EXOC6B: variants seen among roughly 807,000 people sequenced by gnomAD.
The protein encoded by EXOC6B is SEC15 homolog B.
Under a neutral mutation model 113.5 loss-of-function variants are expected in EXOC6B, and 54 were observed. That is an observed-to-expected ratio of 0.48 (90% CI 0.38 to 0.60). The LOEUF (loss-of-function observed/expected upper bound fraction) is 0.60. Among genes scored for constraint, EXOC6B ranks in the 20% least tolerant of loss-of-function variants. EXOC6B has a pLI of 0.00. For synonymous variants in EXOC6B, 357 were observed against 339.0 expected (o/e 1.05, Z -0.58); for missense variants, 797 against 977.5 (o/e 0.82, Z 2.46).
intron 6 of EXOC6B, among the ~76,000 whole-genome samples, chr2:72,593,119 A>G (rs769046998): frequency 6.6e-6 from 1 of 152,134 alleles, no homozygotes; most frequent in Non-Finnish European, 1.5e-5. Flanking sequence ...AAGATGCTGA[A>G]AGGGTAGCAC....
intron 1 of EXOC6B, among the ~76,000 whole-genome samples, chr2:72,767,802 C>A (rs1683159335): frequency 8.2e-5 from 1 of 12,126 alleles, no homozygotes; most frequent in African/African-American, 3.5e-4. Context: ...GACACAGAGA[C>A]CTTGTTAAAA....
chr2:72,788,582 A>G (rs1216420023), intron 1 of EXOC6B, among the ~76,000 whole-genome samples: 1 of 152,210 alleles, frequency 6.6e-6, no homozygotes, highest in East Asian at 1.9e-4. Flanking sequence ...GGATCACTTG[A>G]GTCCAAGTGT....
intron 16 of EXOC6B, among the ~76,000 whole-genome samples, chr2:72,481,367 G>A (rs1479758181): frequency 6.6e-6 from 1 of 152,118 alleles, no homozygotes; most frequent in Non-Finnish European, 1.5e-5. Flanking sequence ...TATTCTAAAG[G>A]TATGTTTTCT....
chr2:72,412,098 C>T (rs1558643156), intron 18 of EXOC6B, among the ~76,000 whole-genome samples: 1 of 151,476 alleles, frequency 6.6e-6, no homozygotes, highest in Non-Finnish European at 1.5e-5. Context: ...GTAGATTGGA[C>T]TAGAAAAAAA....
At chr2:72,337,012 A>G (rs556318889) in intron 19 of EXOC6B, among the ~76,000 whole-genome samples, 1 of 152,072 alleles carries the variant, frequency 6.6e-6, no homozygotes, top group East Asian at 1.9e-4. Flanking sequence ...AGTCTCAAAA[A>G]AAAAAAAAAA....
chr2:72,398,335 C>T (rs1692890565), intron 18 of EXOC6B, among the ~76,000 whole-genome samples: 1 of 152,122 alleles, frequency 6.6e-6, no homozygotes, highest in Admixed American at 6.6e-5. Flanking sequence ...TCTTCTGGTA[C>T]TCAGGCATTC....
rs531018968 is a variant in EXOC6B, at chr2:72,708,321, T to G, written c.669+9782A>C. ...ATATTATTAAAACACTCATAAACCT[T>G]CATATATTCCAGGATGATCTTTTAG... On this transcript the variant is annotated intron_variant, in intron 6 of 21. Transcript: ENST00000272427. 7.2e-5 allele frequency among the ~76,000 whole-genome samples: 11 copies of G among 152,292 alleles called. No individual in the cohort carries two copies. The South Asian group carries it at 2.3e-3, about 32-fold the overall frequency.
intron 6 of EXOC6B, among the ~76,000 whole-genome samples, chr2:72,654,468 G>A (rs370825603): frequency 2.6e-5 from 4 of 152,162 alleles, no homozygotes; most frequent in South Asian, 2.1e-4. Context: ...CAATCACTTC[G>A]TGTTGCAGAA....
At chr2:72,220,356 G>A (rs1388022959) in intron 20 of EXOC6B, among the ~76,000 whole-genome samples, 1 of 152,016 alleles carries the variant, frequency 6.6e-6, no homozygotes, top group African/African-American at 2.4e-5. Flanking sequence ...CTAGAATCTG[G>A]CCAAGGCAAC....
chr2:72,271,184 G>T (rs1684459906), intron 20 of EXOC6B, among the ~76,000 whole-genome samples: 1 of 151,948 alleles, frequency 6.6e-6, no homozygotes, highest in Non-Finnish European at 1.5e-5. Flanking sequence ...AAGAGTAAGG[G>T]GTTTTAAAAC....
intron 6 of EXOC6B, among the ~76,000 whole-genome samples, chr2:72,640,095 T>G (rs1333803012): frequency 6.6e-6 from 1 of 152,080 alleles, no homozygotes; most frequent in African/African-American, 2.4e-5. Flanking sequence ...ATGTTGAAAT[T>G]CAATCTAAGG....
chr2:72,179,575 G>T, intron 21 of EXOC6B, 114 bp from the exon 22 acceptor site: 1 of 1,237,260 alleles, frequency 8.1e-7, no homozygotes, highest in South Asian at 1.3e-5. Flanking sequence ...AGTAATGAGA[G>T]AGTCCAGAAT....
At chr2:72,668,353 G>A (rs529178831) in intron 6 of EXOC6B, among the ~76,000 whole-genome samples, 1 of 152,158 alleles carries the variant, frequency 6.6e-6, no homozygotes, top group South Asian at 2.1e-4. Flanking sequence ...GAGAACAGAT[G>A]GGCCATTTCT....
chr2:72,819,309 TTTG>T (rs889864924), intron 1 of EXOC6B, among the ~76,000 whole-genome samples: 1 of 152,180 alleles, frequency 6.6e-6, no homozygotes, highest in African/African-American at 2.4e-5. Context: ...AATTAAGTTA[TTTG>T]TTGTTGTTTC....
intron 2 of EXOC6B, among the ~76,000 whole-genome samples, chr2:72,739,711 C>T (rs1465249457): frequency 2.0e-5 from 3 of 151,918 alleles, no homozygotes; most frequent in Admixed American, 6.6e-5. Flanking sequence ...AAGGAAAAGA[C>T]CTAACTTACT....
At chr2:72,641,581 C>T (rs1673239029) in intron 6 of EXOC6B, among the ~76,000 whole-genome samples, 1 of 152,242 alleles carries the variant, frequency 6.6e-6, no homozygotes, top group Non-Finnish European at 1.5e-5. Flanking sequence ...TGGGCAGAGC[C>T]CACTGCAGCT....
intron 18 of EXOC6B, among the ~76,000 whole-genome samples, chr2:72,388,762 A>C (rs1366951404): frequency 1.3e-5 from 2 of 152,146 alleles, no homozygotes; most frequent in African/African-American, 4.8e-5. Context: ...ACACGGTTGT[A>C]ATGTCTTCTT....
intron 18 of EXOC6B, among the ~76,000 whole-genome samples, chr2:72,393,074 T>G (rs1327430347): frequency 1.3e-5 from 2 of 151,890 alleles, no homozygotes; most frequent in African/African-American, 2.4e-5. Flanking sequence ...GGTTTGGTTT[T>G]TTTGTTTGTT....
intron 7 of EXOC6B, among the ~76,000 whole-genome samples, chr2:72,564,537 G>C (rs937320994): frequency 6.6e-6 from 1 of 152,160 alleles, no homozygotes; most frequent in Non-Finnish European, 1.5e-5. Context: ...CAAATGATTA[G>C]CTGAAGGAGC....
Sources: allele counts gnomAD v4.1 joint callset (sites outside exome capture counted in the v4.1 genomes callset), GRCh38; gene constraint gnomAD v4.1.1; transcripts MANE v1.5; gene names NCBI Gene and HGNC (gene_info 2026-07-23, HGNC 2026-07-21).